The following BRINP2 variants were observed in gnomAD, a reference collection of about 807,000 sequenced individuals.
BRINP2 encodes BMP/retinoic acid-inducible neural-specific protein 2.
Under a neutral mutation model 69.2 loss-of-function variants are expected in BRINP2, and 21 were observed. That is an observed-to-expected ratio of 0.30 (90% CI 0.22 to 0.44). The LOEUF (loss-of-function observed/expected upper bound fraction) is 0.44. Ranked by LOEUF, BRINP2 falls within the 20% of genes least tolerant of loss-of-function variation. The pLI is 1.00. For synonymous variants in BRINP2, 380 were observed against 394.1 expected, an observed-to-expected ratio of 0.96 and a Z score of 0.42; for missense variants, 877 against 986.0, an observed-to-expected ratio of 0.89 and a Z score of 1.48.
chr1:177,273,698 AC>A (rs1479612134), intron 5 of BRINP2, 105 bp downstream of exon 5: 4 of 651,898 alleles, frequency 6.1e-6, no homozygotes, highest in Non-Finnish European at 1.0e-5. Flanking sequence ...ATTTGATCAA[AC>A]CTTTCTTAAG....
At chr1:177,181,338 G>C (rs1218284455) in intron 1 of BRINP2, among the ~76,000 whole-genome samples, 1 of 152,180 alleles carries the variant, frequency 6.6e-6, no homozygotes, top group African/African-American at 2.4e-5. Flanking sequence ...CCAGAACGAA[G>C]GCAGCGGTCC....
intron 7 of BRINP2, among the ~76,000 whole-genome samples, chr1:177,279,181 GA>G (rs1240058386): frequency 2.0e-5 from 3 of 151,978 alleles, no homozygotes; most frequent in Non-Finnish European, 4.4e-5. Flanking sequence ...GTCACAGGAG[GA>G]AAAAAAGTGG....
At chr1:177,200,298 A>G (rs1348624343) in intron 1 of BRINP2, among the ~76,000 whole-genome samples, 2 of 134,710 alleles carry the variant, frequency 1.5e-5, no homozygotes, top group East Asian at 4.0e-4. Context: ...TGTCTCAAAA[A>G]AAAAAAAAAA....
Position 177,278,708 on chromosome 1 carries a change from C to T in BRINP2, c.1158C>T (p.Thr386=). Reference sequence around the variant, plus strand: ...GCTTGAAAGTGCTGTTCAAAAAGACCCATCGGATCCTACGCCGGCTCTTCA... The same window carrying T: ...GCTTGAAAGTGCTGTTCAAAAAGACTCATCGGATCCTACGCCGGCTCTTCA... The part of the protein sequence containing the change: ...GAGLKVLFKK[T]HRILRRLFNL... Residue 386 remains threonine, a synonymous_variant, in exon 7 of 8, where the codon ACC becomes ACT. Coordinates refer to ENST00000361539, the MANE Select transcript of BRINP2 (RefSeq NM_021165.4). 2 of 1,614,186 alleles carry T rather than the reference C, an allele frequency of 1.2e-6. No individual in the cohort carries two copies. Among genetic ancestry groups the T allele is most frequent in the African/African-American group, 1.3e-5 (1 of 75,042 alleles).
chr1:177,268,121 C>A (rs1479414491), intron 4 of BRINP2, among the ~76,000 whole-genome samples: 1 of 152,168 alleles, frequency 6.6e-6, no homozygotes, highest in African/African-American at 2.4e-5. Context: ...GACTAAGGAG[C>A]AAAGTTGTGT....
intron 1 of BRINP2, among the ~76,000 whole-genome samples, chr1:177,200,317 A>AAAAAAAAAAAAAAAAAAAAAAT: frequency 6.7e-6 from 1 of 150,082 alleles, no homozygotes; most frequent in Non-Finnish European, 1.5e-5. Context: ...AAAAAAAAAA[A>AAAAAAAAAAAAAAAAAAAAAAT]AAAAAGAATG....
intron 3 of BRINP2, chr1:177,256,347 G>T (rs549269527): frequency 2.0e-6 from 2 of 985,402 alleles, no homozygotes; most frequent in East Asian, 1.1e-4. Flanking sequence ...AGGTGGACAG[G>T]CTCCTAACAA....
At chr1:177,200,157 T>A (rs1422589762) in intron 1 of BRINP2, among the ~76,000 whole-genome samples, 2 of 151,228 alleles carry the variant, frequency 1.3e-5, no homozygotes, top group African/African-American at 4.9e-5. Context: ...CCACATGTGG[T>A]GGTACATGCC....
intron 1 of BRINP2, among the ~76,000 whole-genome samples, chr1:177,175,510 T>C (rs575407338): frequency 6.6e-6 from 1 of 152,290 alleles, no homozygotes; most frequent in African/African-American, 2.4e-5. Flanking sequence ...GTGAGAGGAC[T>C]GGTAACACAA....
At chr1:177,204,603 C>T (rs1399881755) in intron 1 of BRINP2, among the ~76,000 whole-genome samples, 1 of 152,158 alleles carries the variant, frequency 6.6e-6, no homozygotes, top group African/African-American at 2.4e-5. Context: ...GCCCGGCTCT[C>T]TCTCTAATAA....
chr1:177,253,529 T>G (rs1394407015), intron 2 of BRINP2, among the ~76,000 whole-genome samples: 1 of 152,158 alleles, frequency 6.6e-6, no homozygotes, highest in Non-Finnish European at 1.5e-5. Flanking sequence ...ATGCAGGAGC[T>G]TTTCAGTTTG....
At chr1:177,273,631 C>T (rs1438011351) in intron 5 of BRINP2, 38 bp downstream of exon 5, 1 of 1,293,434 alleles carries the variant, frequency 7.7e-7, no homozygotes, top group Admixed American at 2.8e-5. Flanking sequence ...CCTTTCACAC[C>T]TGATTTAAAA....
intron 1 of BRINP2, among the ~76,000 whole-genome samples, chr1:177,195,356 T>G (rs1299652876): frequency 1.3e-5 from 2 of 151,894 alleles, no homozygotes; most frequent in Non-Finnish European, 2.9e-5. Flanking sequence ...ATGTTTCAGT[T>G]CTAGCATATT....
chr1:177,220,334 AG>A (rs1455432866), intron 1 of BRINP2, among the ~76,000 whole-genome samples: 1 of 152,132 alleles, frequency 6.6e-6, no homozygotes, highest in Non-Finnish European at 1.5e-5. Flanking sequence ...TTTGGATCAT[AG>A]GGGCAGATCC....
At chr1:177,203,528 T>C (rs1012750601) in intron 1 of BRINP2, among the ~76,000 whole-genome samples, 2 of 149,476 alleles carry the variant, frequency 1.3e-5, no homozygotes, top group African/African-American at 4.9e-5. Flanking sequence ...CAAAAAGTAA[T>C]CCTAAAGAAA....
chr1:177,281,772 G>C lies in BRINP2; in HGVS notation c.*244G>C, dbSNP rs1042705701. 2.8e-5 allele frequency: 11 copies of C among 394,828 alleles called. No homozygotes were observed. Among genetic ancestry groups the C allele is most frequent in the African/African-American group, 2.1e-4 (10 of 48,660 alleles). The allele number at this position is 394,828 out of a possible 1,614,324, so 24.5% of individuals were successfully genotyped here. ...GGGAGGCTACAACTAAGCAGCCTCA[G>C]ATCTGTAAAGTTGATTGGTGCTTTC... On this transcript the variant is annotated 3_prime_UTR_variant, in exon 8 of 8. Coordinates refer to ENST00000361539, the MANE Select transcript of BRINP2 (RefSeq NM_021165.4).
At chr1:177,188,421 G>T (rs1648495856) in intron 1 of BRINP2, among the ~76,000 whole-genome samples, 1 of 152,126 alleles carries the variant, frequency 6.6e-6, no homozygotes. Flanking sequence ...AGTTGTATTT[G>T]TTGTTAGAAG....
intron 1 of BRINP2, among the ~76,000 whole-genome samples, chr1:177,229,315 A>G (rs1486078126): frequency 6.6e-6 from 1 of 152,174 alleles, no homozygotes; most frequent in South Asian, 2.1e-4. Flanking sequence ...CTACCTCACA[A>G]TTCTCCACCA....
At chr1:177,185,346 A>T (rs900042994) in intron 1 of BRINP2, among the ~76,000 whole-genome samples, 2 of 152,166 alleles carry the variant, frequency 1.3e-5, no homozygotes, top group African/African-American at 4.8e-5. Flanking sequence ...TGATCTTATT[A>T]CCAAACACCT....
Sources: gnomAD v4.1 joint callset for allele counts (sites outside exome capture counted in the v4.1 genomes callset) on GRCh38, gnomAD v4.1.1 for gene constraint, MANE v1.5 for transcripts, NCBI Gene and HGNC (gene_info 2026-07-23, HGNC 2026-07-21) for gene names.